The following UGT2A1 variants were observed in gnomAD, a reference collection of about 807,000 sequenced individuals.
UGT2A1 encodes UDP glucuronosyltransferase family 2 member A1 complex locus, also known as UDP-glucuronosyltransferase 2A1.
In UGT2A1, 61 loss-of-function variants were observed where a neutral mutation model predicts 45.4. The ratio of observed to expected loss-of-function variants is 1.34; its 90% CI spans 1.09 to 1.66. The LOEUF (loss-of-function observed/expected upper bound fraction) is 1.66, where lower values mean the gene tolerates loss of function less well. Ranked by LOEUF, UGT2A1 falls within the 40% of genes most tolerant of loss-of-function variation. The pLI, the probability that UGT2A1 is intolerant of heterozygous loss-of-function variation, is 0.00. For synonymous variants in UGT2A1, 229 were observed against 196.2 expected, an observed-to-expected ratio of 1.17 and a Z score of -1.40; for missense variants, 649 against 574.3, an observed-to-expected ratio of 1.13 and a Z score of -1.33.
chr4:69,596,816 C>T (rs2109884851), intron 4 of UGT2A1, among the ~76,000 whole-genome samples: 1 of 152,244 alleles, frequency 6.6e-6, no homozygotes, highest in Admixed American at 6.5e-5. Flanking sequence ...GCCACTGTGC[C>T]CAGTCAGAAA....
chr4:69,621,840 T>C (rs943633524), intron 3 of UGT2A1, among the ~76,000 whole-genome samples: 2 of 151,918 alleles, frequency 1.3e-5, no homozygotes, highest in Non-Finnish European at 2.9e-5. Context: ...AAAGAGAACA[T>C]GTTTTTTGCA....
intron 6 of UGT2A1, among the ~76,000 whole-genome samples, chr4:69,591,162 G>T (rs1015211748): frequency 7.2e-5 from 11 of 152,086 alleles, no homozygotes; most frequent in Non-Finnish European, 1.5e-4. Context: ...TAAAATATTT[G>T]AAGATATTTA....
Position 69,593,774 on chromosome 4 carries a change from A to G in UGT2A1, c.1304+703T>C, listed in dbSNP as rs192527007. Among the ~76,000 whole-genome samples the G allele has an allele frequency of 7.9e-5, 12 of 151,880 alleles. No individual in the cohort carries two copies. In the East Asian group the frequency reaches 2.3e-3, roughly 29 times the overall value. ...TAAAGGTATCGAATGGTATATACTC[A>G]GTGTGAATAGTTATTTCTGAATGCT... On this transcript the variant is annotated intron_variant, in intron 6 of 6. Transcript: ENST00000286604.
chr4:69,638,946 AAT>A, intron 2 of UGT2A1: 1 of 1,612,410 alleles, frequency 6.2e-7, no homozygotes, highest in African/African-American at 1.3e-5. Flanking sequence ...GTAGGACTGA[AAT>A]ATATAGTCTT....
At chr4:69,608,914 C>G (rs1403404019) in intron 3 of UGT2A1, among the ~76,000 whole-genome samples, 1 of 151,976 alleles carries the variant, frequency 6.6e-6, no homozygotes, top group African/African-American at 2.4e-5. Flanking sequence ...AAAGTAAAAG[C>G]AAAACCATAG....
chr4:69,596,368 A>C, intron 4 of UGT2A1: 3 of 1,597,090 alleles, frequency 1.9e-6, no homozygotes, highest in Non-Finnish European at 2.6e-6. Flanking sequence ...GCTCTGGATA[A>C]ATTCTTCCAT....
At chr4:69,639,429 T>C in intron 2 of UGT2A1, 1 of 1,613,170 alleles carries the variant, frequency 6.2e-7, no homozygotes, top group Non-Finnish European at 8.5e-7. Flanking sequence ...GGGATTGGAG[T>C]TGATGAATAG....
At chr4:69,635,018 CG>C (rs1189212145) in intron 3 of UGT2A1, among the ~76,000 whole-genome samples, 2 of 151,954 alleles carry the variant, frequency 1.3e-5, no homozygotes, top group African/African-American at 4.8e-5. Flanking sequence ...ATGGATACCC[CG>C]TACTCCAGGA....
Position 69,634,272 on chromosome 4 carries a change from A to AC in UGT2A1, c.847+1418_847+1419insG, listed in dbSNP as rs1039476346. Among the ~76,000 whole-genome samples the AC allele has an allele frequency of 1.1e-4, 16 of 149,024 alleles. 1 individual carries two copies. The highest frequency in any genetic ancestry group is 2.7e-4 in the Admixed American group (4 of 15,014). On this transcript the variant is annotated intron_variant, in intron 3 of 6. Coordinates refer to ENST00000286604, the MANE Select transcript of UGT2A1 (RefSeq NM_001252275.3). ...AAATCAAACAAAACAAAACAAAACA[A>AC]AACAACAACAACAACAAAAACCCAC...
intron 3 of UGT2A1, among the ~76,000 whole-genome samples, chr4:69,609,221 C>G (rs937196928): frequency 1.3e-5 from 2 of 150,728 alleles, no homozygotes; most frequent in Non-Finnish European, 2.9e-5. Flanking sequence ...GGTGCCAACA[C>G]AGCTCACTGC....
rs1719362832 is a variant in UGT2A1 at position 69,602,636 on chromosome 4, G to A, written c.848-3242C>T. Among the ~76,000 whole-genome samples, 2 of 137,054 alleles carry A rather than the reference G, an allele frequency of 1.5e-5. 1 individual carries two copies. Among genetic ancestry groups the A allele is most frequent in the African/African-American group, 5.9e-5 (2 of 34,010 alleles). 89.9% of individuals were successfully genotyped at this position (137,054 alleles called of 152,430 possible). A position where few individuals can be genotyped will look rare whatever the true frequency, so the allele number is the denominator to read the frequency against. ...CTGAAATTTCTGTGCACAAGTAAAC[G>A]AAGATTTAATTTAAAAACTAAATTT... On this transcript the variant is annotated intron_variant, in intron 3 of 6. Coordinates refer to ENST00000286604, the MANE Select transcript of UGT2A1 (RefSeq NM_001252275.3).
intron 3 of UGT2A1, among the ~76,000 whole-genome samples, chr4:69,633,260 A>T (rs75836102): frequency 0.042 from 6,414 of 152,268 alleles, 154 homozygotes; most frequent in Middle Eastern, 0.072. Flanking sequence ...ATACCTTAAT[A>T]AAAACAATAG....
At position 69,641,824 on chromosome 4, in the gene UGT2A1, A is replaced by C. The variant is rs574252417; in HGVS notation, c.715+5106T>G. ...ATAGTTCTGGGTATGGTGTGACATA[A>C]TGCAGGTAAATGATTCAGAACAGCA... is the stretch of plus-strand genomic sequence containing the variant. On this transcript the variant is annotated intron_variant, in intron 2 of 6. Coordinates refer to ENST00000286604, the MANE Select transcript of UGT2A1 (RefSeq NM_001252275.3). Among the ~76,000 whole-genome samples the C allele has an allele frequency of 7.2e-5, 11 of 151,912 alleles. No homozygotes were observed. The East Asian group carries it at 1.9e-3, about 27-fold the overall frequency.
chr4:69,597,667 C>G (rs562775856), intron 4 of UGT2A1, among the ~76,000 whole-genome samples: 1 of 152,136 alleles, frequency 6.6e-6, no homozygotes, highest in Admixed American at 6.6e-5. Flanking sequence ...GGAATTGGTG[C>G]TTTGCCATTT....
chr4:69,609,041 T>G (rs893009293), intron 3 of UGT2A1, among the ~76,000 whole-genome samples: 4 of 152,098 alleles, frequency 2.6e-5, no homozygotes, highest in Non-Finnish European at 4.4e-5. Context: ...TCCATTAAAT[T>G]TAAAATCTAC....
At chr4:69,616,691 G>C (rs1027721717) in intron 3 of UGT2A1, among the ~76,000 whole-genome samples, 2 of 151,768 alleles carry the variant, frequency 1.3e-5, no homozygotes, top group African/African-American at 4.8e-5. Context: ...TTCTAACTAG[G>C]ATTTGCGATA....
At chr4:69,632,980 G>A (rs774400789) in intron 3 of UGT2A1, among the ~76,000 whole-genome samples, 1 of 151,930 alleles carries the variant, frequency 6.6e-6, no homozygotes, top group Non-Finnish European at 1.5e-5. Flanking sequence ...CTTACAAACC[G>A]GACGTGGGTG....
chr4:69,601,182 G>A (rs1288193791), intron 3 of UGT2A1, among the ~76,000 whole-genome samples: 3 of 152,106 alleles, frequency 2.0e-5, no homozygotes, highest in African/African-American at 7.2e-5. Flanking sequence ...CTGTGCAGCA[G>A]AGGCGGCTGC....
At chr4:69,611,395 T>C (rs774641900) in intron 3 of UGT2A1, among the ~76,000 whole-genome samples, 38 of 151,850 alleles carry the variant, frequency 2.5e-4, no homozygotes, top group Admixed American at 1.9e-3. Context: ...GGTAACATTA[T>C]AGTCTCAGAG....
Sources: allele counts gnomAD v4.1 joint callset (sites outside exome capture counted in the v4.1 genomes callset), GRCh38; gene constraint gnomAD v4.1.1; transcripts MANE v1.5; gene names NCBI Gene and HGNC (gene_info 2026-07-23, HGNC 2026-07-21).